DNAH5: variants seen among roughly 807,000 people sequenced by gnomAD.
The protein encoded by DNAH5 is axonemal beta dynein heavy chain 5.
DNAH5 carries 372 observed loss-of-function variants against 518.2 expected under a neutral mutation model. That is an observed-to-expected ratio of 0.72 (90% CI 0.66 to 0.78). The LOEUF is 0.78. Ranked by LOEUF, DNAH5 falls within the 30% of genes least tolerant of loss-of-function variation. The probability of loss-of-function intolerance (pLI) is 0.00; values close to 1 mark genes in which losing one functional copy is unlikely to be tolerated. For missense variants in DNAH5, 5,523 were observed against 5,687.0 expected (o/e 0.97, Z 0.93); for synonymous variants, 2,039 against 2,025.9 (o/e 1.01, Z -0.17).
At chr5:14,007,432 C>A (rs1784797034) in intron 1 of DNAH5, among the ~76,000 whole-genome samples, 1 of 152,160 alleles carries the variant, frequency 6.6e-6, no homozygotes, top group South Asian at 2.1e-4. Context: ...ATCCTCACAG[C>A]CAAGCCCTGG....
chr5:13,906,056 T>A (rs1242706598), intron 12 of DNAH5, among the ~76,000 whole-genome samples: 1 of 152,110 alleles, frequency 6.6e-6, no homozygotes, highest in East Asian at 1.9e-4. Flanking sequence ...TCCGACTAGA[T>A]GGAAAAGGCA....
chr5:13,843,823 A>G (rs1765596332), intron 32 of DNAH5, among the ~76,000 whole-genome samples: 1 of 152,154 alleles, frequency 6.6e-6, no homozygotes, highest in African/African-American at 2.4e-5. Flanking sequence ...CCCCCATACA[A>G]CCAGGTTCCC....
At chr5:13,840,851 A>G in intron 34 of DNAH5, 55 bp downstream of exon 34, 1 of 1,396,676 alleles carries the variant, frequency 7.2e-7, no homozygotes, top group Admixed American at 1.7e-5. Flanking sequence ...GTAAATGCAG[A>G]TAGTGTCTAG....
chr5:13,939,889 G>A (rs1458984699), intron 1 of DNAH5, among the ~76,000 whole-genome samples: 3 of 152,138 alleles, frequency 2.0e-5, no homozygotes, highest in African/African-American at 4.8e-5. Flanking sequence ...AGGTGCTTTA[G>A]TGAAGCCCTC....
chr5:13,998,233 A>G (rs769901154), intron 1 of DNAH5, among the ~76,000 whole-genome samples: 15 of 152,298 alleles, frequency 9.8e-5, no homozygotes, highest in South Asian at 2.1e-4. Flanking sequence ...TGTTCCATCC[A>G]TGGCACCTTG....
At chr5:13,765,636 A>T (rs1463846660) in intron 59 of DNAH5, among the ~76,000 whole-genome samples, 3 of 152,206 alleles carry the variant, frequency 2.0e-5, no homozygotes, top group Admixed American at 1.3e-4. Context: ...TCATAAAATT[A>T]AAAAAGCTGT....
chr5:13,850,435 G>C (rs1407397759), intron 31 of DNAH5, among the ~76,000 whole-genome samples: 1 of 152,152 alleles, frequency 6.6e-6, no homozygotes. Flanking sequence ...CCCAGTGATG[G>C]AAGCAACCTT....
rs141420532 is a variant in DNAH5, at chr5:13,830,298, G to A, written c.6062-85C>T. ...AAGGATATTATGTAGCTGCTAAAATGAGCCAGATGTAAGTTCATTCAAAAG... is the reference window on the plus strand; with the variant it reads ...AAGGATATTATGTAGCTGCTAAAATAAGCCAGATGTAAGTTCATTCAAAAG... On this transcript the variant is annotated intron_variant, in intron 36 of 78. Coordinates refer to ENST00000265104, the MANE Select transcript of DNAH5 (RefSeq NM_001369.3). 5.7e-4 allele frequency: 719 copies of A among 1,251,024 alleles called. 2 individuals carry two copies. The highest frequency in any genetic ancestry group is 5.4e-3 in the Middle Eastern group (25 of 4,654). 77.5% of individuals were successfully genotyped at this position (1,251,024 alleles called of 1,614,324 possible).
At chr5:13,880,981 G>A (rs563996591) in intron 21 of DNAH5, among the ~76,000 whole-genome samples, 11 of 151,874 alleles carry the variant, frequency 7.2e-5, no homozygotes, top group African/African-American at 2.7e-4. Flanking sequence ...TGAAAGTGAA[G>A]GGATGAAAAA....
At chr5:13,940,045 A>G (rs1188298340) in intron 1 of DNAH5, among the ~76,000 whole-genome samples, 1 of 151,928 alleles carries the variant, frequency 6.6e-6, no homozygotes, top group Non-Finnish European at 1.5e-5. Flanking sequence ...AGCTCTCCCT[A>G]TTTACTCACT....
At position 13,829,525 on chromosome 5, in the gene DNAH5, C is replaced by T; in HGVS notation, c.6429G>A (p.Glu2143=). ...KFFTLYKLCE[E]QLSKQVHYDF... ...GATGACACACCTGCTTAGAAAGCTG[C>T]TCCTCACACAGTTTGTAGAGCGTGA... The change falls in exon 38 of 79, where the codon GAG becomes GAA. Residue 2143 remains glutamate (E), a synonymous_variant. Transcript: ENST00000265104. 6.2e-7 allele frequency: 1 copy of T among 1,614,158 alleles called. No homozygotes were observed. The highest frequency in any genetic ancestry group is 8.5e-7 in the Non-Finnish European group (1 of 1,180,022).
At chr5:13,908,163 T>C (rs1775571272) in intron 12 of DNAH5, among the ~76,000 whole-genome samples, 1 of 152,194 alleles carries the variant, frequency 6.6e-6, no homozygotes, top group African/African-American at 2.4e-5. Flanking sequence ...TTGCCCTCAA[T>C]AGTTTCAGCT....
At chr5:13,971,463 G>A (rs771919361) in intron 1 of DNAH5, among the ~76,000 whole-genome samples, 3 of 152,128 alleles carry the variant, frequency 2.0e-5, no homozygotes, top group Admixed American at 6.5e-5. Context: ...GTCCCACCGC[G>A]TGCTCCCTGG....
intron 68 of DNAH5, among the ~76,000 whole-genome samples, chr5:13,730,583 C>T (rs1042629836): frequency 9.9e-5 from 15 of 152,134 alleles, no homozygotes; most frequent in Non-Finnish European, 1.8e-4. Flanking sequence ...TACAGGCACC[C>T]GCCACCACGC....
In DNAH5 at chr5:13,922,333, A is replaced by G; in HGVS notation, c.439-5T>C. 1 of 1,611,716 alleles carries G rather than the reference A, an allele frequency of 6.2e-7. No homozygotes were observed. The highest frequency in any genetic ancestry group is 8.5e-7 in the Non-Finnish European group (1 of 1,178,508). ...TAACATGTTAAAACTCACCTCCTGG[A>G]AAACAGGCAGGAGATCTTTTATTGT... On this transcript the variant is annotated splice_polypyrimidine_tract_variant and splice_region_variant and intron_variant, in intron 4 of 78. Coordinates refer to ENST00000265104, the MANE Select transcript of DNAH5 (RefSeq NM_001369.3).
intron 72 of DNAH5, among the ~76,000 whole-genome samples, chr5:13,717,902 T>C (rs1261188544): frequency 1.3e-5 from 2 of 152,194 alleles, no homozygotes; most frequent in Non-Finnish European, 2.9e-5. Context: ...CATATACTTT[T>C]AACTAATTTT....
chr5:13,804,744 T>TTC (rs372858816), intron 47 of DNAH5, among the ~76,000 whole-genome samples: 1 of 152,342 alleles, frequency 6.6e-6, no homozygotes, highest in East Asian at 1.9e-4. Flanking sequence ...TATCAGATAA[T>TTC]GGGAGCCTAA....
rs1453896845 is a variant in DNAH5 at position 13,839,276 on chromosome 5, C to G, written c.5882+80G>C. 51 of 1,360,694 alleles carry G rather than the reference C, an allele frequency of 3.7e-5. No homozygotes were observed. In the East Asian group the frequency reaches 1.1e-3, roughly 30 times the overall value. The allele number at this position is 1,360,694 out of a possible 1,614,324, so 84.3% of individuals were successfully genotyped here. A position where few individuals can be genotyped will look rare whatever the true frequency, so the allele number is the denominator to read the frequency against. On this transcript the variant is annotated intron_variant, in intron 35 of 78. Transcript: ENST00000265104. ...TTTTAGTATAAAGAGCCTATAAACC[C>G]TAAGAGACTTTAAGCAAAAATCCCC... is the stretch of plus-strand genomic sequence containing the variant.
intron 75 of DNAH5, among the ~76,000 whole-genome samples, chr5:13,710,208 G>C (rs1203727099): frequency 2.6e-5 from 4 of 152,168 alleles, no homozygotes; most frequent in Non-Finnish European, 4.4e-5. Flanking sequence ...ACCCAGAAGA[G>C]AGACAACAAT....
Sources: allele counts gnomAD v4.1 joint callset (sites outside exome capture counted in the v4.1 genomes callset), GRCh38; gene constraint gnomAD v4.1.1; transcripts MANE v1.5; gene names NCBI Gene and HGNC (gene_info 2026-07-23, HGNC 2026-07-21).